Variants in ZW10 observed in about 807,000 individuals in gnomAD.
ZW10 encodes centromere/kinetochore protein zw10 homolog.
In ZW10, 53 loss-of-function variants were observed where a neutral mutation model predicts 87.8. That is an observed-to-expected ratio of 0.60 (90% CI 0.48 to 0.76). ZW10 has a LOEUF of 0.76. ZW10 is among the 30% of genes least tolerant of loss of function. The pLI is 0.00. For synonymous variants in ZW10, 312 were observed against 329.2 expected (o/e 0.95, Z 0.57); for missense variants, 837 against 923.0 (o/e 0.91, Z 1.21).
At chr11:113,739,191 C>T (rs2134867058) in intron 12 of ZW10, 22 bp downstream of exon 12, 1 of 1,612,220 alleles carries the variant, frequency 6.2e-7, no homozygotes, top group East Asian at 2.2e-5. Context: ...ATATGCTTTC[C>T]TACATTGAAA....
intron 2 of ZW10, among the ~76,000 whole-genome samples, chr11:113,762,230 G>C (rs1396328322): frequency 6.6e-6 from 1 of 152,032 alleles, no homozygotes; most frequent in African/African-American, 2.4e-5. Context: ...TTTACACAAT[G>C]GTAAATATTT....
intron 1 of ZW10, among the ~76,000 whole-genome samples, chr11:113,771,845 A>G (rs1258519837): frequency 6.6e-6 from 1 of 152,128 alleles, no homozygotes; most frequent in African/African-American, 2.4e-5. Flanking sequence ...ATTTTGTTAA[A>G]TTATTATTTT....
intron 1 of ZW10, among the ~76,000 whole-genome samples, chr11:113,770,970 A>ATTT (rs71063523): frequency 3.3e-4 from 38 of 116,210 alleles, no homozygotes; most frequent in Non-Finnish European, 4.0e-4. Flanking sequence ...TGAGGATGCT[A>ATTT]TTTTTTTTTT....
chr11:113,748,439 G>T lies in ZW10; in HGVS notation c.926-19C>A, dbSNP rs767084981. 3 of 1,571,200 alleles carry T rather than the reference G, an allele frequency of 1.9e-6. No individual in the cohort carries two copies. The highest frequency in any genetic ancestry group is 1.2e-5 in the South Asian group (1 of 83,282). On this transcript the variant is annotated intron_variant, in intron 7 of 15. Transcript: ENST00000200135. ...GGCAAATCTGAATTTTTTAAAAAAA[G>T]AAGTTTTAAACAAGAAACCATTCGC...
intron 6 of ZW10, 100 bp downstream of exon 6, chr11:113,758,454 C>T (rs1953820578): frequency 8.4e-7 from 1 of 1,194,372 alleles, no homozygotes; most frequent in South Asian, 1.5e-5. Context: ...AGACCCTATA[C>T]TAATACTCTG....
intron 7 of ZW10, 141 bp from the exon 8 acceptor site, chr11:113,748,561 G>A (rs1953704852): frequency 1.6e-6 from 1 of 635,706 alleles, no homozygotes; most frequent in South Asian, 2.4e-5. Flanking sequence ...TCAACTGCGT[G>A]GGACAAATCA....
At chr11:113,758,359 T>C (rs1375478993) in intron 6 of ZW10, among the ~76,000 whole-genome samples, 195 bp downstream of exon 6, 2 of 104,844 alleles carry the variant, frequency 1.9e-5, no homozygotes, top group Non-Finnish European at 3.9e-5. Context: ...AAAAAAAAAA[T>C]AGGAACAGTT....
chr11:113,749,634 T>C (rs1248185966), intron 7 of ZW10, among the ~76,000 whole-genome samples: 1 of 152,216 alleles, frequency 6.6e-6, no homozygotes, highest in Non-Finnish European at 1.5e-5. Flanking sequence ...TATATTACTA[T>C]ATAATATTTA....
At chr11:113,760,175 T>C (rs1282049258) in intron 5 of ZW10, 34 bp downstream of exon 5, 1 of 1,601,686 alleles carries the variant, frequency 6.2e-7, no homozygotes, top group African/African-American at 1.3e-5. Flanking sequence ...TTCAGGCAGA[T>C]GAAGCAAAGC....
chr11:113,768,989 T>A (rs199765920), intron 1 of ZW10, 22 bp from the exon 2 acceptor site: 2 of 1,609,802 alleles, frequency 1.2e-6, no homozygotes, highest in South Asian at 2.2e-5. Flanking sequence ...AACAGAATTA[T>A]ATTAAAAGAC....
At chr11:113,740,209 T>G (rs1254626075) in intron 11 of ZW10, among the ~76,000 whole-genome samples, 1 of 152,048 alleles carries the variant, frequency 6.6e-6, no homozygotes, top group African/African-American at 2.4e-5. Context: ...AAAACACACC[T>G]GGGCCTTACA....
rs1953771185 is a variant in ZW10, at chr11:113,755,223, T to G, written c.925+2439A>C. Among the ~76,000 whole-genome samples the G allele has an allele frequency of 2.0e-5, 3 of 152,240 alleles. No individual in the cohort carries two copies. In the South Asian group the frequency reaches 6.2e-4, roughly 32 times the overall value. On this transcript the variant is annotated intron_variant, in intron 7 of 15. Coordinates refer to ENST00000200135, the MANE Select transcript of ZW10 (RefSeq NM_004724.4). ...GGATCTGAGCAAAATAAAATGAAAA[T>G]CTTCTAGAAAGGATTCACCATTCTA...
At chr11:113,768,158 A>T (rs1053005225) in intron 2 of ZW10, among the ~76,000 whole-genome samples, 2 of 152,198 alleles carry the variant, frequency 1.3e-5, no homozygotes, top group African/African-American at 4.8e-5. Context: ...AACTTCTAAC[A>T]TACACCTATT....
chr11:113,741,384 G>A (rs1205860558), intron 11 of ZW10, among the ~76,000 whole-genome samples: 1 of 152,158 alleles, frequency 6.6e-6, no homozygotes, highest in African/African-American at 2.4e-5. Flanking sequence ...TTCAAATAAA[G>A]AAAACTGAAC....
chr11:113,772,000 G>A (rs1953972690), intron 1 of ZW10, among the ~76,000 whole-genome samples: 1 of 152,162 alleles, frequency 6.6e-6, no homozygotes. Flanking sequence ...AGCCTTCCAG[G>A]AGCACAAATG....
chr11:113,746,706 G>C (rs999385414), intron 9 of ZW10, among the ~76,000 whole-genome samples: 1 of 152,120 alleles, frequency 6.6e-6, no homozygotes, highest in African/African-American at 2.4e-5. Context: ...CATGTGATCT[G>C]CGGTAAGAAT....
chr11:113,757,685 T>C lies in ZW10; in HGVS notation c.902A>G (p.Glu301Gly). ...EVFTKIRLVL[E>G]VLQKQLLDLP... ...ACCTAGAAGCTGTTTCTGGAGCACT[T>C]CTAGTACCAGTCTGATCTTTGTAAA... Residue 301 changes from glutamate (E) to glycine (G), a missense_variant, in exon 7 of 16, where the codon GAA becomes GGA. Glu to Gly is a moderately conservative substitution (Grantham distance 98). Transcript: ENST00000200135. The C allele has an allele frequency of 6.2e-7, 1 of 1,605,158 alleles. No homozygotes were observed. The highest frequency in any genetic ancestry group is 8.5e-7 in the Non-Finnish European group (1 of 1,174,508).
chr11:113,743,610 TA>T (rs1359927307), intron 10 of ZW10, among the ~76,000 whole-genome samples, 191 bp downstream of exon 10: 3 of 152,202 alleles, frequency 2.0e-5, no homozygotes, highest in African/African-American at 7.2e-5. Flanking sequence ...CTATTGCAAA[TA>T]AAAGTCAGAG....
intron 6 of ZW10, 80 bp downstream of exon 6, chr11:113,758,474 T>G (rs536742988): frequency 1.4e-6 from 2 of 1,408,726 alleles, no homozygotes; most frequent in East Asian, 4.6e-5. Flanking sequence ...GCAGAGAATA[T>G]TTTATCATCT....
Sources: allele counts gnomAD v4.1 joint callset (sites outside exome capture counted in the v4.1 genomes callset), GRCh38; gene constraint gnomAD v4.1.1; transcripts MANE v1.5; gene names NCBI Gene and HGNC (gene_info 2026-07-23, HGNC 2026-07-21).